IARS1: variants seen among roughly 807,000 people sequenced by gnomAD.
IARS1 encodes isoleucyl-tRNA synthetase 1, also known as isoleucine--tRNA ligase, cytoplasmic.
A neutral mutation model predicts 168.2 loss-of-function variants in IARS1; 124 were observed. The observed-to-expected ratio is 0.74, with a 90% CI of 0.64 to 0.86. The LOEUF (loss-of-function observed/expected upper bound fraction) is 0.86. Among genes scored for constraint, IARS1 ranks in the 40% least tolerant of loss-of-function variants. The probability of loss-of-function intolerance (pLI) is 0.00; values close to 1 mark genes in which losing one functional copy is unlikely to be tolerated. For missense variants in IARS1, 1,452 were observed against 1,515.8 expected (o/e 0.96, Z 0.70); for synonymous variants, 532 against 529.4 (o/e 1.00, Z -0.07).
Position 92,251,904 on chromosome 9 carries a change from A to C in IARS1, c.2230-19T>G. 6.5e-7 allele frequency: 1 copy of C among 1,536,406 alleles called. No homozygotes were observed. The highest frequency in any genetic ancestry group is 9.0e-7 in the Non-Finnish European group (1 of 1,110,026). ...TTTCACCCTAATGAGTAAAAAGGAAACATAAACATTAAACTGTTAAATAAG... is the reference window on the plus strand; with the variant it reads ...TTTCACCCTAATGAGTAAAAAGGAACCATAAACATTAAACTGTTAAATAAG... On this transcript the variant is annotated intron_variant, in intron 21 of 33. Transcript: ENST00000443024.
rs777578209 is a variant in IARS1, at chr9:92,274,428, C to A, written c.988G>T (p.Ala330Ser). 5.6e-6 allele frequency: 9 copies of A among 1,612,092 alleles called. No individual in the cohort carries two copies. Among genetic ancestry groups the A allele is most frequent in the Admixed American group, 1.7e-5 (1 of 59,990 alleles). The change falls in exon 10 of 34, where the codon GCT (alanine) becomes TCT (serine). Residue 330 changes from alanine to serine, a missense_variant and splice_region_variant. Transcript: ENST00000443024. ...GVVHQAPYFG[A>S]EDYRVCMDFN... ...TTTGCCAGACTTATGCTACTCACAG[C>A]ACCGAAGTAAGGAGCTTGGTGGACA...
chr9:92,273,132 CAAAA>C (rs532773984), intron 10 of IARS1, among the ~76,000 whole-genome samples: 1 of 64,062 alleles, frequency 1.6e-5, no homozygotes, highest in African/African-American at 5.0e-5. Flanking sequence ...ACTCCCATCT[CAAAA>C]AAAAAAAAAA....
At chr9:92,246,406 T>C (rs1255955514) in intron 26 of IARS1, among the ~76,000 whole-genome samples, 5 of 152,142 alleles carry the variant, frequency 3.3e-5, no homozygotes, top group South Asian at 2.1e-4. Context: ...ACTCAGACCA[T>C]GTATGATTCT....
rs1292097850 is a variant in IARS1, at chr9:92,280,783, C to A, written c.708G>T (p.Val236=). 6.2e-7 allele frequency: 1 copy of A among 1,611,884 alleles called. No individual in the cohort carries two copies. The highest frequency in any genetic ancestry group is 8.5e-7 in the Non-Finnish European group (1 of 1,178,682). ...CATATTGCATTTCTGGATTAACACACACAGCAAGGTTACTAGGTAGAGTCC... is the reference window on the plus strand; with the variant it reads ...CATATTGCATTTCTGGATTAACACAAACAGCAAGGTTACTAGGTAGAGTCC... ...TPWTLPSNLA[V]CVNPEMQYVK... The change falls in exon 7 of 34, where the codon GTG becomes GTT. Residue 236 remains valine (V), a synonymous_variant. Transcript: ENST00000443024.
intron 20 of IARS1, among the ~76,000 whole-genome samples, chr9:92,256,142 G>A (rs1830682421): frequency 6.6e-6 from 1 of 151,328 alleles, no homozygotes; most frequent in Non-Finnish European, 1.5e-5. Flanking sequence ...GTGGAGCATT[G>A]AGACCACGAG....
At chr9:92,214,776 C>CA (rs1356802262) in intron 33 of IARS1, among the ~76,000 whole-genome samples, 5 of 152,218 alleles carry the variant, frequency 3.3e-5, no homozygotes, top group Admixed American at 2.0e-4. Context: ...GTCCTACGCC[C>CA]ACGGAGTCTC....
At chr9:92,270,135 T>C in intron 12 of IARS1, 152 bp from the exon 13 acceptor site, 1 of 533,252 alleles carries the variant, frequency 1.9e-6, no homozygotes, top group South Asian at 2.6e-5. Context: ...ATCTAAGACT[T>C]CAAAATTGGT....
In IARS1 at chr9:92,285,732, T is replaced by C. The variant is rs765878063; in HGVS notation, c.587A>G (p.Gln196Arg). 2.5e-6 allele frequency: 4 copies of C among 1,593,590 alleles called. No individual in the cohort carries two copies. Among genetic ancestry groups the C allele is most frequent in the Admixed American group, 1.7e-5 (1 of 59,964 alleles). ...NTPLSNFESHQNYKDVQDPSV... is the reference protein window; with the variant it reads ...NTPLSNFESHRNYKDVQDPSV... ...CTACATTTCACGTACCTTATAATTC[T>C]GGTGTGACTCGAAGTTGGAAAGTGG... is the stretch of plus-strand genomic sequence containing the variant. The change falls in exon 6 of 34, where the codon CAG becomes CGG. Residue 196 changes from glutamine to arginine, a missense_variant. Physicochemically the swap from Gln to Arg is conservative, Grantham distance 43. Coordinates refer to ENST00000443024, the MANE Select transcript of IARS1 (RefSeq NM_002161.6).
At chr9:92,254,310 T>C (rs1377718823) in intron 20 of IARS1, among the ~76,000 whole-genome samples, 1 of 152,148 alleles carries the variant, frequency 6.6e-6, no homozygotes, top group Non-Finnish European at 1.5e-5. Flanking sequence ...AGGATTCTCA[T>C]TCACCTCCCA....
intron 33 of IARS1, among the ~76,000 whole-genome samples, chr9:92,215,251 C>T (rs1428685517): frequency 6.6e-6 from 1 of 152,148 alleles, no homozygotes; most frequent in Admixed American, 6.6e-5. Context: ...GAAAGGACAT[C>T]CACACCAAAA....
At chr9:92,249,531 TGA>T (rs757992772) in intron 25 of IARS1, among the ~76,000 whole-genome samples, 4 of 151,096 alleles carry the variant, frequency 2.6e-5, no homozygotes, top group Non-Finnish European at 4.4e-5. Flanking sequence ...GATGACAGAG[TGA>T]GAGACTCTGT....
chr9:92,250,056 C>CT, intron 24 of IARS1, 115 bp from the exon 25 acceptor site: 1 of 849,628 alleles, frequency 1.2e-6, no homozygotes, highest in Non-Finnish European at 2.0e-6. Context: ...TGGACTAGTA[C>CT]TAAGTCATTC....
At position 92,258,946 on chromosome 9, in the gene IARS1, C is replaced by T. The variant is rs1379813032; in HGVS notation, c.1924G>A (p.Glu642Lys). The T allele has an allele frequency of 6.2e-7, 1 of 1,613,948 alleles. No homozygotes were observed. The highest frequency in any genetic ancestry group is 2.2e-5 in the East Asian group (1 of 44,886). Residue 642 changes from glutamate (E) to lysine (K), a missense_variant, in exon 19 of 34, where the codon GAA (glutamate) becomes AAA (lysine). Glu to Lys is a moderately conservative substitution (Grantham distance 56). Coordinates refer to ENST00000443024, the MANE Select transcript of IARS1 (RefSeq NM_002161.6). ...TTAAGGACGTCCCGCACACCCTCTT[C>T]TTTAAAGCGGAGGTTTTCTGCTCTC... Reference protein sequence around the residue: ...VVRAENLRFKEEGVRDVLKDV... With the variant: ...VVRAENLRFKKEGVRDVLKDV...
Position 92,263,075 on chromosome 9 carries a change from A to C in IARS1, c.1701-20T>G, listed in dbSNP as rs761566010. On this transcript the variant is annotated intron_variant, in intron 16 of 33. Transcript: ENST00000443024. ...TAAAACCTGAAAAAAAACCCCAAAC[A>C]GTTCAATAAAAATAGAAATGAAGTC... The C allele has an allele frequency of 6.4e-7, 1 of 1,550,916 alleles. No homozygotes were observed. Among genetic ancestry groups the C allele is most frequent in the Non-Finnish European group, 8.9e-7 (1 of 1,124,972 alleles).
chr9:92,230,260 AC>A (rs1826458246), intron 30 of IARS1, among the ~76,000 whole-genome samples: 2 of 152,020 alleles, frequency 1.3e-5, no homozygotes, highest in African/African-American at 4.8e-5. Flanking sequence ...ACAAGCACCC[AC>A]AACCACGCCT....
At chr9:92,261,479 T>C (rs964194830) in intron 17 of IARS1, among the ~76,000 whole-genome samples, 15 of 152,078 alleles carry the variant, frequency 9.9e-5, no homozygotes, top group African/African-American at 3.4e-4. Context: ...GAAGGGAGCC[T>C]TTGATGTTGA....
intron 33 of IARS1, among the ~76,000 whole-genome samples, chr9:92,220,582 G>A (rs187688288): frequency 1.3e-5 from 2 of 152,194 alleles, no homozygotes; most frequent in East Asian, 3.9e-4. Flanking sequence ...TCGTGCCACT[G>A]CACTCCAGCC....
rs753470606 is a variant in IARS1, at chr9:92,274,525, G to T, written c.895-4C>A. The T allele has an allele frequency of 6.2e-7, 1 of 1,601,318 alleles. No individual in the cohort carries two copies. Reference sequence around the variant, plus strand: ...TGAAAGCGCCATTCTCTTTACACTGGAAAGAAAGGACAGCAGGCTTCAGGG... The same window carrying T: ...TGAAAGCGCCATTCTCTTTACACTGTAAAGAAAGGACAGCAGGCTTCAGGG... On this transcript the variant is annotated splice_polypyrimidine_tract_variant and splice_region_variant and intron_variant, in intron 9 of 33. Transcript: ENST00000443024.
At chr9:92,246,342 C>T (rs937859639) in intron 26 of IARS1, among the ~76,000 whole-genome samples, 1 of 152,040 alleles carries the variant, frequency 6.6e-6, no homozygotes, top group African/African-American at 2.4e-5. Context: ...CAGAGGAAGC[C>T]GTAACAATAA....
Sources: allele counts gnomAD v4.1 joint callset (sites outside exome capture counted in the v4.1 genomes callset), GRCh38; gene constraint gnomAD v4.1.1; transcripts MANE v1.5; gene names NCBI Gene and HGNC (gene_info 2026-07-23, HGNC 2026-07-21).